Variants in GRM4 observed in about 807,000 individuals in gnomAD.
The protein encoded by GRM4 is glutamate metabotropic receptor 4.
A neutral mutation model predicts 81.7 loss-of-function variants in GRM4; 28 were observed. That is an observed-to-expected ratio of 0.34 (90% CI 0.25 to 0.47). The LOEUF (loss-of-function observed/expected upper bound fraction) is 0.47. Among genes scored for constraint, GRM4 ranks in the 20% least tolerant of loss-of-function variants. The pLI is 1.00. For missense variants in GRM4, 948 were observed against 1,290.0 expected (o/e 0.73, Z 4.06); for synonymous variants, 488 against 528.8 (o/e 0.92, Z 1.06).
chr6:34,149,843 G>A (rs549877272), upstream of GRM4, among the ~76,000 whole-genome samples: 27 of 152,254 alleles, frequency 1.8e-4, no homozygotes, highest in South Asian at 4.6e-3. Flanking sequence ...TCCAAAATCC[G>A]AAATGCTCTG....
chr6:34,039,080 C>T (rs1370254461), intron 8 of GRM4, among the ~76,000 whole-genome samples: 1 of 152,178 alleles, frequency 6.6e-6, no homozygotes, highest in Non-Finnish European at 1.5e-5. Context: ...CCCACTTTGC[C>T]AAGTGCTCCT....
At chr6:34,146,157 C>T (rs1335230303), upstream of GRM4, 2 of 985,262 alleles carry the variant, frequency 2.0e-6, no homozygotes, top group Non-Finnish European at 2.4e-6. Context: ...CACATCCGCG[C>T]GCACGTGGCG....
At chr6:34,030,833 A>C (rs1406488386) in intron 9 of GRM4, among the ~76,000 whole-genome samples, 3 of 152,250 alleles carry the variant, frequency 2.0e-5, no homozygotes, top group African/African-American at 7.2e-5. Context: ...TTCTGCGAAC[A>C]AAATTCAAGG....
At position 34,111,388 on chromosome 6, in the gene GRM4, G is replaced by GCA. The variant is rs143737236; in HGVS notation, c.520-19291_520-19290dup. Among the ~76,000 whole-genome samples, 2,365 of 133,776 alleles carry GCA rather than the reference G, an allele frequency of 0.018. 27 individuals are homozygous for GCA. The highest frequency in any genetic ancestry group is 0.046 in the African/African-American group (1,675 of 36,022). 87.8% of individuals were successfully genotyped at this position (133,776 alleles called of 152,430 possible). On this transcript the variant is annotated intron_variant, in intron 2 of 10. Transcript: ENST00000538487. The surrounding 1 kb of genome is among the most constrained non-coding windows in gnomAD (Gnocchi z 5.1). ...CTTGGTGGTAAGTACAACCAACCGTGCACACACACACACACACACACACAA... is the reference window on the plus strand; with the variant it reads ...CTTGGTGGTAAGTACAACCAACCGTGCACACACACACACACACACACACACAA...
chr6:34,110,475 T>C (rs540101502), intron 2 of GRM4, among the ~76,000 whole-genome samples: 14 of 144,562 alleles, frequency 9.7e-5, no homozygotes, highest in Admixed American at 8.3e-4. Context: ...ACCCTAAGCA[T>C]GGCCAGCCTC....
At chr6:34,094,950 G>A (rs1209741219) in intron 2 of GRM4, among the ~76,000 whole-genome samples, 1 of 152,192 alleles carries the variant, frequency 6.6e-6, no homozygotes, top group Non-Finnish European at 1.5e-5. Context: ...AGCAGTGGAT[G>A]GACGGATGGA....
rs111994351 is a variant in GRM4 at position 34,021,171 on chromosome 6, G to C, written c.*1650C>G. On this transcript the variant is annotated 3_prime_UTR_variant, in exon 11 of 11. Coordinates refer to ENST00000538487, the MANE Select transcript of GRM4 (RefSeq NM_000841.4). This position sits in a 1 kb window ranked among gnomAD's most constrained non-coding sequence, Gnocchi z 5.3. ...ATGGGCCTGAGACAGGCATCTGCAT[G>C]AGCCACCGGGGCCCAAACAGATGAT... The C allele has an allele frequency of 7.7e-3, 1,178 of 152,416 alleles. 10 individuals are homozygous for C. Among genetic ancestry groups the C allele is most frequent in the African/African-American group, 0.025 (1,046 of 41,588 alleles). The allele number at this position is 152,416 out of a possible 1,614,324, so 9.4% of individuals were successfully genotyped here.
At chr6:34,051,925 G>A (rs1338585749) in intron 6 of GRM4, among the ~76,000 whole-genome samples, 1 of 152,200 alleles carries the variant, frequency 6.6e-6, no homozygotes, top group Admixed American at 6.5e-5. Flanking sequence ...CCACGTGGCT[G>A]GGAAGTGGCA....
At position 34,105,292 on chromosome 6, in the gene GRM4, G is replaced by C. The variant is rs71567425; in HGVS notation, c.520-13193C>G. The stretch of plus-strand genomic sequence containing the variant: ...CTCTGGGGGCTTCCACTGGGGAAAA[G>C]GGTCCTGACCCCTGGGAGGGGAGTC... On this transcript the variant is annotated intron_variant, in intron 2 of 10. Transcript: ENST00000538487. Among the ~76,000 whole-genome samples, 1,154 of 152,184 alleles carry C rather than the reference G, an allele frequency of 7.6e-3. 8 individuals are homozygous for C. The highest frequency in any genetic ancestry group is 0.027 in the Middle Eastern group (8 of 294).
At chr6:34,088,364 C>T (rs1348231877) in intron 3 of GRM4, among the ~76,000 whole-genome samples, 5 of 152,214 alleles carry the variant, frequency 3.3e-5, no homozygotes, top group African/African-American at 1.2e-4. Flanking sequence ...CCTCGTGATC[C>T]GCCTGCCTCG....
intron 2 of GRM4, among the ~76,000 whole-genome samples, chr6:34,105,443 C>T (rs993896053): frequency 6.6e-6 from 1 of 152,196 alleles, no homozygotes; most frequent in Non-Finnish European, 1.5e-5. Context: ...CTTGGCCCCA[C>T]TGCAGTATTT....
rs116752765 is a variant in GRM4, at chr6:34,068,355, G to A, written c.737-6327C>T. On this transcript the variant is annotated intron_variant, in intron 3 of 10. Transcript: ENST00000538487. This position sits in a 1 kb window ranked among gnomAD's most constrained non-coding sequence, Gnocchi z 4.2. The stretch of plus-strand genomic sequence containing the variant: ...AATCCCACTTACCTTCAAGTGAGGC[G>A]GGACGTGCTGCTAAATGAATTCACA... Among the ~76,000 whole-genome samples the A allele has an allele frequency of 5.8e-3, 877 of 152,240 alleles. 7 individuals are homozygous for A. The highest frequency in any genetic ancestry group is 0.014 in the African/African-American group (593 of 41,532).
Position 34,090,651 on chromosome 6 carries a change from GC to G in GRM4, c.736+1231del, listed in dbSNP as rs1292000504. Reference sequence around the variant, plus strand: ...CTGCCCCACTTCCCGCCGCCCCGCTGCCCCCTCCACCAGGTGGAGGCCCCCA... The same window carrying G: ...CTGCCCCACTTCCCGCCGCCCCGCTGCCCCTCCACCAGGTGGAGGCCCCCA... On this transcript the variant is annotated intron_variant, in intron 3 of 10. Transcript: ENST00000538487. This position sits in a 1 kb window ranked among gnomAD's most constrained non-coding sequence, Gnocchi z 5.2. 6.6e-6 allele frequency among the ~76,000 whole-genome samples: 1 copy of G among 151,878 alleles called. No homozygotes were observed. Among genetic ancestry groups the G allele is most frequent in the Non-Finnish European group, 1.5e-5 (1 of 67,944 alleles).
chr6:34,030,470 G>C (rs992933261), intron 9 of GRM4, among the ~76,000 whole-genome samples: 1 of 152,210 alleles, frequency 6.6e-6, no homozygotes, highest in Non-Finnish European at 1.5e-5. Flanking sequence ...CCTTGCAGTG[G>C]ACACAGTTCT....
chr6:34,110,796 G>A, intron 2 of GRM4: 1 of 1,406,640 alleles, frequency 7.1e-7, no homozygotes, highest in Non-Finnish European at 9.3e-7. Context: ...CCTGGCCCAG[G>A]CTGCAGGCCA....
In GRM4 at chr6:34,083,233, C is replaced by T. The variant is rs144732972; in HGVS notation, c.736+8650G>A. Among the ~76,000 whole-genome samples, 1,161 of 152,258 alleles carry T rather than the reference C, an allele frequency of 7.6e-3. 7 individuals are homozygous for T. The highest frequency in any genetic ancestry group is 0.014 in the South Asian group (69 of 4,822). Reference sequence around the variant, plus strand: ...AGTGGCCGCACTGAAAGAAAAGCAGCAGGCCCGGCGACACCAACCTGGGGA... The same window carrying T: ...AGTGGCCGCACTGAAAGAAAAGCAGTAGGCCCGGCGACACCAACCTGGGGA... On this transcript the variant is annotated intron_variant, in intron 3 of 10. Transcript: ENST00000538487.
In GRM4 at chr6:34,155,159, C is replaced by G. The variant is rs757546635; in HGVS notation, c.232G>C (p.Glu78Gln). Residue 78 changes from glutamate to glutamine, a missense_variant, in exon 1 of 9, where the codon GAG becomes CAG. Coordinates refer to the GRM4 transcript ENST00000374177. ...CTTCCCAGCTGGGCGGCCGCCCCCTCGGATTCGTGCGCGGCCAGGCTCACC... is the reference window on the plus strand; with the variant it reads ...CTTCCCAGCTGGGCGGCCGCCCCCTGGGATTCGTGCGCGGCCAGGCTCACC... 2.9e-5 allele frequency: 44 copies of G among 1,535,352 alleles called. No homozygotes were observed. In the Middle Eastern group the frequency reaches 1.2e-3, roughly 41 times the overall value.
In GRM4 at chr6:34,048,876, G is replaced by A. The variant is rs184995862; in HGVS notation, c.1168+7668C>T. ...AAGTTTCCTGAGGCCTCCCAGTCGC[G>A]CTTCCTGTACAGCCTGCAGAACTGT... On this transcript the variant is annotated intron_variant, in intron 6 of 10. Transcript: ENST00000538487. The surrounding 1 kb of genome is among the most constrained non-coding windows in gnomAD (Gnocchi z 4.0). 0.011 allele frequency among the ~76,000 whole-genome samples: 1,724 copies of A among 152,070 alleles called. 19 individuals are homozygous for A. The highest frequency in any genetic ancestry group is 0.031 in the Middle Eastern group (9 of 294).
intron 6 of GRM4, among the ~76,000 whole-genome samples, chr6:34,044,409 CACAG>C (rs1433263423): frequency 6.6e-6 from 1 of 150,798 alleles, no homozygotes. Context: ...CACATATATA[CACAG>C]ACACACACAT....
Sources: gnomAD v4.1 joint callset for allele counts (sites outside exome capture counted in the v4.1 genomes callset) on GRCh38, gnomAD v4.1.1 for gene constraint, Gnocchi (gnomAD v3.1) non-coding constraint, MANE v1.5 for transcripts, NCBI Gene and HGNC (gene_info 2026-07-23, HGNC 2026-07-21) for gene names.